GRM7: variants seen among roughly 807,000 people sequenced by gnomAD.
GRM7 encodes the protein metabotropic glutamate receptor 7.
Under a neutral mutation model 84.5 loss-of-function variants are expected in GRM7, and 35 were observed. The observed-to-expected ratio is 0.41, with a 90% CI of 0.32 to 0.55. The LOEUF is 0.55. GRM7 is among the 20% of genes least tolerant of loss of function. The probability of loss-of-function intolerance (pLI) is 0.19; values close to 1 mark genes in which losing one functional copy is unlikely to be tolerated. For missense variants in GRM7, 1,003 were observed against 1,194.6 expected (o/e 0.84, Z 2.36); for synonymous variants, 487 against 455.1 (o/e 1.07, Z -0.89).
chr3:7,013,278 T>G (rs2124898545), intron 1 of GRM7, among the ~76,000 whole-genome samples: 1 of 152,296 alleles, frequency 6.6e-6, no homozygotes, highest in South Asian at 2.1e-4. Context: ...TATAAGGACC[T>G]TAGCCATGAG....
chr3:7,338,199 C>T (rs181003333), intron 4 of GRM7, among the ~76,000 whole-genome samples: 5 of 151,626 alleles, frequency 3.3e-5, no homozygotes, highest in East Asian at 3.9e-4. Flanking sequence ...TTTGCAACAA[C>T]GTGGATGGAG....
intron 7 of GRM7, among the ~76,000 whole-genome samples, chr3:7,572,860 ATATATATATATATATATAT>A (rs1694763406): frequency 4.2e-5 from 2 of 47,582 alleles, no homozygotes; most frequent in African/African-American, 1.6e-4. Flanking sequence ...ATATATATAT[ATATATATATATATATATAT>A]AAATAATCTT....
chr3:7,689,895 C>CAATGCCA (rs1700732654), intron 9 of GRM7, among the ~76,000 whole-genome samples: 6 of 152,194 alleles, frequency 3.9e-5, no homozygotes, highest in Middle Eastern at 6.8e-3. Flanking sequence ...CTTCAGGGAG[C>CAATGCCA]TCAGATCTGA....
At chr3:7,698,846 C>T (rs2125156735) in intron 9 of GRM7, among the ~76,000 whole-genome samples, 1 of 152,262 alleles carries the variant, frequency 6.6e-6, no homozygotes, top group South Asian at 2.1e-4. Context: ...GCAGAAAAAA[C>T]AACTAGAACT....
chr3:7,177,122 C>T (rs1196657647), intron 2 of GRM7, among the ~76,000 whole-genome samples: 1 of 151,302 alleles, frequency 6.6e-6, no homozygotes, highest in Non-Finnish European at 1.5e-5. Context: ...CTAACTCTGC[C>T]TTTTTTTTTA....
chr3:7,722,549 T>C (rs992989086), intron 9 of GRM7, among the ~76,000 whole-genome samples: 5 of 151,728 alleles, frequency 3.3e-5, no homozygotes, highest in African/African-American at 1.2e-4. Flanking sequence ...TTTAAGAGAT[T>C]GTTCTGCCTT....
intron 8 of GRM7, among the ~76,000 whole-genome samples, chr3:7,597,384 C>T (rs1696099803): frequency 3.9e-5 from 6 of 152,128 alleles, no homozygotes; most frequent in Admixed American, 3.9e-4. Context: ...TACACTTCAA[C>T]ATGAGATTTG....
intron 2 of GRM7, among the ~76,000 whole-genome samples, chr3:7,183,511 C>T (rs1695414602): frequency 6.6e-6 from 1 of 152,092 alleles, no homozygotes; most frequent in African/African-American, 2.4e-5. Context: ...CCTGTAGTCC[C>T]AGCTACTCGG....
At position 6,947,521 on chromosome 3, in the gene GRM7, T is replaced by A. The variant is rs527780486; in HGVS notation, c.519+85614T>A. 4.6e-5 allele frequency among the ~76,000 whole-genome samples: 7 copies of A among 152,314 alleles called. No individual in the cohort carries two copies. The East Asian group carries it at 1.2e-3, about 25-fold the overall frequency. The stretch of plus-strand genomic sequence containing the variant: ...ATATTGGTCTAAAATTCTCTCTTTT[T>A]TGTTATGTCTCTGCCAGGCTTTGGC... On this transcript the variant is annotated intron_variant, in intron 1 of 9. Transcript: ENST00000357716.
intron 9 of GRM7, among the ~76,000 whole-genome samples, chr3:7,725,478 TC>T (rs1267118450): frequency 1.3e-5 from 2 of 151,986 alleles, no homozygotes; most frequent in African/African-American, 4.8e-5. Flanking sequence ...TTTGAATAAA[TC>T]AACTCCTGAG....
intron 1 of GRM7, among the ~76,000 whole-genome samples, chr3:7,089,021 G>A (rs1265657273): frequency 1.3e-5 from 2 of 151,984 alleles, no homozygotes; most frequent in Non-Finnish European, 2.9e-5. Context: ...AGCAAATGTC[G>A]ATTACCAAAC....
chr3:6,982,059 C>T lies in GRM7; in HGVS notation c.519+120152C>T, dbSNP rs571198855. ...TGGAATCAACCTAGGTACCCATCAA[C>T]GGTGGACTGGATTAAGAAAATGTGG... On this transcript the variant is annotated intron_variant, in intron 1 of 9. Coordinates refer to ENST00000357716, the MANE Select transcript of GRM7 (RefSeq NM_000844.4). 4.6e-5 allele frequency among the ~76,000 whole-genome samples: 7 copies of T among 152,146 alleles called. No individual in the cohort carries two copies. The East Asian group carries it at 7.7e-4, about 17-fold the overall frequency.
intron 7 of GRM7, among the ~76,000 whole-genome samples, chr3:7,474,271 A>G (rs1373912008): frequency 6.6e-6 from 1 of 152,110 alleles, no homozygotes; most frequent in African/African-American, 2.4e-5. Flanking sequence ...TCATGTCCTA[A>G]GTAGGGGCTT....
intron 2 of GRM7, among the ~76,000 whole-genome samples, chr3:7,279,318 TCTC>T (rs142830368): frequency 0.035 from 5,372 of 152,192 alleles, 200 homozygotes; most frequent in African/African-American, 0.093. Context: ...ACTCCTCACA[TCTC>T]CTCTCGCTTC....
intron 9 of GRM7, among the ~76,000 whole-genome samples, chr3:7,703,126 G>A (rs889896547): frequency 6.6e-6 from 1 of 152,090 alleles, no homozygotes; most frequent in Non-Finnish European, 1.5e-5. Context: ...CTCCCCAGGT[G>A]AATCTAATGT....
At chr3:7,422,223 T>G (rs2124829819) in intron 5 of GRM7, among the ~76,000 whole-genome samples, 1 of 152,274 alleles carries the variant, frequency 6.6e-6, no homozygotes, top group African/African-American at 2.4e-5. Flanking sequence ...TCAGGCTGTT[T>G]CTGACACAAC....
At chr3:6,871,680 G>A (rs1270139913) in intron 1 of GRM7, among the ~76,000 whole-genome samples, 3 of 151,952 alleles carry the variant, frequency 2.0e-5, no homozygotes, top group Admixed American at 6.6e-5. Flanking sequence ...CAATAAAAAT[G>A]CATGACCATG....
At chr3:7,624,535 A>G (rs546510970) in intron 8 of GRM7, among the ~76,000 whole-genome samples, 1 of 152,260 alleles carries the variant, frequency 6.6e-6, no homozygotes, top group South Asian at 2.1e-4. Context: ...AGGATGCACA[A>G]CCCTTCCCAG....
intron 2 of GRM7, among the ~76,000 whole-genome samples, chr3:7,230,364 C>T (rs1456086167): frequency 6.6e-6 from 1 of 152,140 alleles, no homozygotes; most frequent in Non-Finnish European, 1.5e-5. Flanking sequence ...AGCAAGGTCA[C>T]ATACTGCTAG....
Sources: allele counts gnomAD v4.1 joint callset (sites outside exome capture counted in the v4.1 genomes callset), GRCh38; gene constraint gnomAD v4.1.1; transcripts MANE v1.5; gene names NCBI Gene and HGNC (gene_info 2026-07-23, HGNC 2026-07-21).